Variants in HMGN5 observed in about 807,000 individuals in gnomAD.
The protein encoded by HMGN5 is high mobility group nucleosome binding domain 5.
HMGN5 carries 4 observed loss-of-function variants against 9.5 expected under a neutral mutation model. The ratio of observed to expected loss-of-function variants is 0.42; its 90% CI spans 0.21 to 0.96. HMGN5 has a LOEUF of 0.96. Ranked by LOEUF, HMGN5 falls within the 40% of genes least tolerant of loss-of-function variation. The pLI, the probability that HMGN5 is intolerant of heterozygous loss-of-function variation, is 0.30. For synonymous variants in HMGN5, 55 were observed against 57.1 expected (o/e 0.96, Z 0.16); for missense variants, 192 against 187.5 (o/e 1.02, Z -0.14).
rs151037237 is a variant in HMGN5 at position 81,164,024 on chromosome X, G to T, written c.-124+37713C>A. Reference sequence around the variant, plus strand: ...CATATTTGTTTAAAAGTGGCCCCTGGGTTGGAACAGAAATGTCAGAGATGT... The same window carrying T: ...CATATTTGTTTAAAAGTGGCCCCTGTGTTGGAACAGAAATGTCAGAGATGT... On this transcript the variant is annotated intron_variant, in intron 1 of 6. Coordinates refer to ENST00000358130, the MANE Select transcript of HMGN5 (RefSeq NM_030763.3). Among the ~76,000 whole-genome samples the T allele has an allele frequency of 1.7e-3, 185 of 111,472 alleles. 6 individuals are homozygous for T. The East Asian group carries it at 0.051, about 31-fold the overall frequency.
intron 4 of HMGN5, 106 bp from the exon 5 acceptor site, chrX:81,118,591 G>GA (rs921098359): frequency 2.1e-5 from 17 of 808,201 alleles, no homozygotes; most frequent in East Asian, 3.3e-5. Context: ...TGAGTATTAG[G>GA]AAAAAAAATA....
At chrX:81,185,337 A>C (rs2075474399) in intron 1 of HMGN5, among the ~76,000 whole-genome samples, 1 of 111,402 alleles carries the variant, frequency 9.0e-6, no homozygotes, top group Non-Finnish European at 1.9e-5. Flanking sequence ...CACTTCTTTG[A>C]TTAAGTTAAT....
chrX:81,131,963 C>A, intron 1 of HMGN5, among the ~76,000 whole-genome samples: 1 of 111,536 alleles, frequency 9.0e-6, no homozygotes, highest in Non-Finnish European at 1.9e-5. Flanking sequence ...CTCTCAAAAA[C>A]CCCATCATCT....
chrX:81,155,102 TACACACACACATACAC>T (rs2075379380), intron 1 of HMGN5, among the ~76,000 whole-genome samples: 1 of 91,036 alleles, frequency 1.1e-5, no homozygotes, highest in African/African-American at 4.0e-5. Flanking sequence ...TATATATATA[TACACACACACATACAC>T]ATATATATAT....
intron 3 of HMGN5, among the ~76,000 whole-genome samples, chrX:81,119,529 C>A (rs1184485085): frequency 8.9e-6 from 1 of 111,764 alleles, no homozygotes; most frequent in Non-Finnish European, 1.9e-5. Flanking sequence ...ATTAGCACAT[C>A]TCTATTGTCA....
chrX:81,129,025 G>A (rs751964828), intron 1 of HMGN5, among the ~76,000 whole-genome samples: 10 of 111,649 alleles, frequency 9.0e-5, no homozygotes, highest in African/African-American at 3.2e-4. Context: ...GTAGGAGAGA[G>A]AAAAAGAGCC....
intron 1 of HMGN5, among the ~76,000 whole-genome samples, chrX:81,190,528 C>T (rs894739349): frequency 1.4e-4 from 15 of 111,029 alleles, no homozygotes; most frequent in African/African-American, 4.3e-4. Flanking sequence ...AATCTACTCT[C>T]TATCTAAATA....
rs764421348 is a variant in HMGN5, at chrX:81,118,501, GGAAAA to G, written c.76-21_76-17del. 5.4e-5 allele frequency: 62 copies of G among 1,144,180 alleles called. No homozygotes were observed. The East Asian group carries it at 9.1e-4, about 17-fold the overall frequency. The allele number at this position is 1,144,180 out of a possible 1,213,427, so 94.3% of individuals were successfully genotyped here. A position where few individuals can be genotyped will look rare whatever the true frequency, so the allele number is the denominator to read the frequency against. On this transcript the variant is annotated splice_polypyrimidine_tract_variant and intron_variant, in intron 4 of 6. Coordinates refer to ENST00000358130, the MANE Select transcript of HMGN5 (RefSeq NM_030763.3). ...GCACAAGCATCTGCTTCAAGTTGTG[GGAAAA>G]GAAAAGAAAAGGAAAAAAATCATAT... is the stretch of plus-strand genomic sequence containing the variant.
At chrX:81,140,640 T>C (rs1007903340) in intron 1 of HMGN5, among the ~76,000 whole-genome samples, 2 of 105,062 alleles carry the variant, frequency 1.9e-5, no homozygotes, top group Admixed American at 1.0e-4. Context: ...CCTTTGTCCC[T>C]AAACAACCAG....
At chrX:81,159,575 T>C (rs1423289448) in intron 1 of HMGN5, among the ~76,000 whole-genome samples, 1 of 111,231 alleles carries the variant, frequency 9.0e-6, no homozygotes, top group African/African-American at 3.3e-5. Flanking sequence ...ATAAGATGAA[T>C]CAATAACCAT....
chrX:81,153,391 T>G (rs1351000517), intron 1 of HMGN5, among the ~76,000 whole-genome samples: 1 of 101,081 alleles, frequency 9.9e-6, no homozygotes, highest in East Asian at 3.2e-4. Context: ...TAATCTCGAA[T>G]AAAAATACAA....
chrX:81,196,406 T>C (rs2075508281), intron 1 of HMGN5, among the ~76,000 whole-genome samples: 1 of 109,755 alleles, frequency 9.1e-6, no homozygotes, highest in Non-Finnish European at 1.9e-5. Context: ...TCATCTTGAA[T>C]TGTAATCCTC....
intron 1 of HMGN5, among the ~76,000 whole-genome samples, chrX:81,148,959 A>G (rs2075353289): frequency 8.9e-6 from 1 of 111,909 alleles, no homozygotes; most frequent in African/African-American, 3.3e-5. Context: ...AATGATGATC[A>G]TTAAAAAGTG....
intron 1 of HMGN5, among the ~76,000 whole-genome samples, chrX:81,162,304 G>C (rs980484599): frequency 4.8e-5 from 5 of 103,773 alleles, no homozygotes; most frequent in African/African-American, 1.8e-4. Flanking sequence ...TAAAAGGATA[G>C]AGATAGTACA....
At chrX:81,153,888 CA>C (rs1251568695) in intron 1 of HMGN5, among the ~76,000 whole-genome samples, 49 of 103,491 alleles carry the variant, frequency 4.7e-4, no homozygotes, top group African/African-American at 1.6e-3. Flanking sequence ...AAGAGGATAC[CA>C]AAAAAAAGGA....
chrX:81,188,563 G>A (rs944046380), intron 1 of HMGN5, among the ~76,000 whole-genome samples: 21 of 109,480 alleles, frequency 1.9e-4, no homozygotes, highest in Non-Finnish European at 3.8e-4. Flanking sequence ...TGCCATGTTC[G>A]TTTGCTGCTC....
intron 1 of HMGN5, among the ~76,000 whole-genome samples, chrX:81,150,437 C>T (rs1484743264): frequency 1.8e-5 from 2 of 110,608 alleles, no homozygotes; most frequent in African/African-American, 6.6e-5. Flanking sequence ...TGGTGGCGGA[C>T]ACCTGTAATC....
At chrX:81,163,697 C>T (rs906474151) in intron 1 of HMGN5, among the ~76,000 whole-genome samples, 1 of 111,840 alleles carries the variant, frequency 8.9e-6, no homozygotes, top group African/African-American at 3.2e-5. Flanking sequence ...AACCTTTTCT[C>T]ATAAGTAATA....
intron 1 of HMGN5, among the ~76,000 whole-genome samples, chrX:81,171,876 A>G (rs1037778349): frequency 3.6e-5 from 4 of 111,295 alleles, no homozygotes; most frequent in Admixed American, 1.9e-4. Context: ...TTGTCCTCCT[A>G]TAAGAAAATA....
Sources: allele counts gnomAD v4.1 joint callset (sites outside exome capture counted in the v4.1 genomes callset), GRCh38; gene constraint gnomAD v4.1.1; transcripts MANE v1.5; gene names NCBI Gene and HGNC (gene_info 2026-07-23, HGNC 2026-07-21).